The following KLHL25 variants were observed in gnomAD, a reference collection of about 807,000 sequenced individuals.
The protein encoded by KLHL25 is kelch like family member 25.
In KLHL25, 41 loss-of-function variants were observed where a neutral mutation model predicts 30.0. The ratio of observed to expected loss-of-function variants is 1.37; its 90% CI spans 1.07 to 1.78. KLHL25 has a LOEUF of 1.78. KLHL25 is among the 40% of genes most tolerant of loss of function. The probability of loss-of-function intolerance (pLI) is 0.00; values close to 1 mark genes in which losing one functional copy is unlikely to be tolerated. For synonymous variants in KLHL25, 399 were observed against 355.3 expected (o/e 1.12, Z -1.38); for missense variants, 971 against 824.5 (o/e 1.18, Z -2.18).
intron 1 of KLHL25, chr15:85,770,440 C>G (rs2089663128): frequency 1.9e-6 from 1 of 518,930 alleles, no homozygotes; most frequent in Admixed American, 2.0e-5. Context: ...GCAGGCTCTG[C>G]CCTGGGCCGG....
At position 85,769,266 on chromosome 15, in the gene KLHL25, C is replaced by T. The variant is rs769248280; in HGVS notation, c.545G>A (p.Ser182Asn). ...CTTGGACAGGCTGTTGAAGTCCTCG[C>T]TCTGCCTCACCGTCTCAAAGTGCAC... The part of the protein sequence containing the change: ...CLVHFETVRQ[S>N]EDFNSLSKDT... The change falls in exon 2 of 3, where the codon AGC becomes AAC. Residue 182 changes from serine (S) to asparagine (N), a missense_variant. Physicochemically the swap from Ser to Asn is conservative, Grantham distance 46. Transcript: ENST00000337975. 18 of 1,613,828 alleles carry T rather than the reference C, an allele frequency of 1.1e-5. No homozygotes were observed. Among genetic ancestry groups the T allele is most frequent in the Admixed American group, 1.7e-5 (1 of 60,002 alleles).
rs777829815 is a variant in KLHL25 at position 85,769,633 on chromosome 15, G to A, written c.178C>T (p.His60Tyr). ...LWAGDRAFPC[H>Y]RAVLAASSRY... ...CTAGAGGCGGCCAGCACGGCACGGT[G>A]ACAGGGGAAGGCACGGTCGCCCGCC... is the stretch of plus-strand genomic sequence containing the variant. The change falls in exon 2 of 3, where the codon CAC becomes TAC. Residue 60 changes from histidine (H) to tyrosine (Y), a missense_variant. Transcript: ENST00000337975. The A allele has an allele frequency of 1.9e-6, 3 of 1,613,486 alleles. No homozygotes were observed. The Admixed American group carries it at 5.0e-5, about 27-fold the overall frequency.
chr15:85,788,812 G>A (rs115628086), intron 1 of KLHL25, among the ~76,000 whole-genome samples: 1,656 of 152,272 alleles, frequency 0.011, 31 homozygotes, highest in African/African-American at 0.037. Flanking sequence ...TTCCAAGCCT[G>A]TGAACAACAA....
chr15:85,790,482 A>G (rs1315852759), intron 1 of KLHL25, among the ~76,000 whole-genome samples: 1 of 152,214 alleles, frequency 6.6e-6, no homozygotes. Flanking sequence ...AGCCTTATAA[A>G]ACTGCTGAAC....
intron 1 of KLHL25, 21 bp from the exon 2 acceptor site, chr15:85,769,841 C>A: frequency 6.3e-7 from 1 of 1,582,934 alleles, no homozygotes; most frequent in Non-Finnish European, 8.6e-7. Context: ...AACAAGCCCA[C>A]AGGTTAGAGG....
chr15:85,783,066 G>A (rs2089755167), intron 1 of KLHL25, among the ~76,000 whole-genome samples: 1 of 152,120 alleles, frequency 6.6e-6, no homozygotes, highest in Non-Finnish European at 1.5e-5. Flanking sequence ...CGTATTATAT[G>A]CAATATAATC....
Position 85,768,375 on chromosome 15 carries a change from G to C in KLHL25, c.1436C>G (p.Pro479Arg), listed in dbSNP as rs766050780. The change falls in exon 2 of 3, where the codon CCC becomes CGC. Residue 479 changes from proline (P) to arginine (R), a missense_variant. Transcript: ENST00000337975. ...AGCGGCTGTGTACCGCCAAGGCTGG[G>C]GGCACTCGGCCTTGATCGTCCACCT... is the stretch of plus-strand genomic sequence containing the variant. ...ENRWTIKAEC[P>R]QPWRYTAAAV... 4 of 1,613,634 alleles carry C rather than the reference G, an allele frequency of 2.5e-6. No homozygotes were observed. The African/African-American group carries it at 5.3e-5, about 22-fold the overall frequency.
At chr15:85,781,449 C>T (rs964996548) in intron 1 of KLHL25, among the ~76,000 whole-genome samples, 11 of 152,162 alleles carry the variant, frequency 7.2e-5, no homozygotes, top group Non-Finnish European at 1.0e-4. Context: ...GACACCCAGA[C>T]CACACTTTGA....
intron 2 of KLHL25, chr15:85,761,311 G>C (rs927159919): frequency 1.3e-5 from 2 of 152,280 alleles, no homozygotes; most frequent in East Asian, 3.9e-4. Flanking sequence ...TACTTGATTC[G>C]AATGGCCAGG....
rs2089804226 is a variant in KLHL25 at position 85,789,787 on chromosome 15, C to T, written c.-11+4979G>A. Among the ~76,000 whole-genome samples, 1 of 152,160 alleles carries T rather than the reference C, an allele frequency of 6.6e-6. No individual in the cohort carries two copies. The highest frequency in any genetic ancestry group is 2.1e-4 in the South Asian group (1 of 4,826). On this transcript the variant is annotated intron_variant, in intron 1 of 2. Coordinates refer to ENST00000337975, the MANE Select transcript of KLHL25 (RefSeq NM_022480.4). This position sits in a 1 kb window ranked among gnomAD's most constrained non-coding sequence, Gnocchi z 4.1. The stretch of plus-strand genomic sequence containing the variant: ...CCTTCCCTTGAGCCCACGCCTGCTC[C>T]CCTAAGCCCAGCCTGGTGCTCCCCT...
At chr15:85,761,336 CTG>C (rs1211657394) in intron 2 of KLHL25, 1 of 151,424 alleles carries the variant, frequency 6.6e-6, no homozygotes, top group Non-Finnish European at 1.5e-5. Flanking sequence ...CCCAGTGAGT[CTG>C]TGCTTCCAGA....
chr15:85,781,673 G>A (rs1021824575), intron 1 of KLHL25, among the ~76,000 whole-genome samples: 1 of 151,918 alleles, frequency 6.6e-6, no homozygotes, highest in African/African-American at 2.4e-5. Flanking sequence ...TAGTAGAGAC[G>A]GGGTTTCACC....
At chr15:85,781,643 C>T (rs113502705) in intron 1 of KLHL25, among the ~76,000 whole-genome samples, 14 of 152,160 alleles carry the variant, frequency 9.2e-5, no homozygotes, top group Non-Finnish European at 1.6e-4. Flanking sequence ...GCCACCATGC[C>T]GGCTAATTTT....
chr15:85,767,681 G>A (rs1159494249), intron 2 of KLHL25, among the ~76,000 whole-genome samples: 2 of 152,222 alleles, frequency 1.3e-5, no homozygotes, highest in East Asian at 3.8e-4. Context: ...CTTGTGTGGA[G>A]ACTGCACCCT....
At chr15:85,774,917 C>T (rs1458625695) in intron 1 of KLHL25, among the ~76,000 whole-genome samples, 4 of 147,566 alleles carry the variant, frequency 2.7e-5, no homozygotes, top group Non-Finnish European at 6.0e-5. Context: ...TGCTCTGTCT[C>T]CCAGGCTGGA....
In KLHL25 at chr15:85,769,063, C is replaced by A. The variant is rs35582838; in HGVS notation, c.748G>T (p.Val250Phe). 3 of 1,606,166 alleles carry A rather than the reference C, an allele frequency of 1.9e-6. No homozygotes were observed. The highest frequency in any genetic ancestry group is 2.6e-6 in the Non-Finnish European group (3 of 1,175,458). Reference protein sequence around the residue: ...LLPSDCLQEAVSSEALLMADE... With the variant: ...LLPSDCLQEAFSSEALLMADE... Reference sequence around the variant, plus strand: ...GCCATGAGGAGGGCCTCGCTGGAGACGGCCTCCTGCAGGCAGTCGGACGGC... The same window carrying A: ...GCCATGAGGAGGGCCTCGCTGGAGAAGGCCTCCTGCAGGCAGTCGGACGGC... Residue 250 changes from valine (V) to phenylalanine (F), a missense_variant, in exon 2 of 3, where the codon GTC becomes TTC. By Grantham distance (50) the Val-to-Phe change is conservative (BLOSUM62 -1). Coordinates refer to ENST00000337975, the MANE Select transcript of KLHL25 (RefSeq NM_022480.4).
intron 1 of KLHL25, among the ~76,000 whole-genome samples, chr15:85,783,694 TAAAAAAA>T (rs34688793): frequency 7.3e-6 from 1 of 136,410 alleles, no homozygotes; most frequent in Non-Finnish European, 1.6e-5. Flanking sequence ...TCCACCTCAA[TAAAAAAA>T]AAAAAAAAAA....
Position 85,768,973 on chromosome 15 carries a change from C to T in KLHL25, c.838G>A (p.Asp280Asn), listed in dbSNP as rs1340873035. The T allele has an allele frequency of 1.2e-6, 2 of 1,612,944 alleles. No homozygotes were observed. Among genetic ancestry groups the T allele is most frequent in the Non-Finnish European group, 1.7e-6 (2 of 1,180,038 alleles). ...LRCKTRILQN[D>N]GVVTSPCARP... ...GCACAGGGGCTGGTGACCACGCCAT[C>T]ATTCTGCAGGATCCTGGTCTTGCAG... The change falls in exon 2 of 3, where the codon GAT becomes AAT. Residue 280 changes from aspartate to asparagine, a missense_variant. Asp to Asn is a conservative substitution (Grantham distance 23). Coordinates refer to ENST00000337975, the MANE Select transcript of KLHL25 (RefSeq NM_022480.4).
chr15:85,775,552 G>A (rs2089704063), intron 1 of KLHL25, among the ~76,000 whole-genome samples: 1 of 152,106 alleles, frequency 6.6e-6, no homozygotes, highest in South Asian at 2.1e-4. Context: ...CCCTTTGCCA[G>A]GAGTTCCATC....
Sources: gnomAD v4.1 joint callset for allele counts (sites outside exome capture counted in the v4.1 genomes callset) on GRCh38, gnomAD v4.1.1 for gene constraint, Gnocchi (gnomAD v3.1) non-coding constraint, MANE v1.5 for transcripts, NCBI Gene and HGNC (gene_info 2026-07-23, HGNC 2026-07-21) for gene names.